EYA2: variants seen among roughly 807,000 people sequenced by gnomAD.
EYA2 encodes the protein EYA transcriptional coactivator and phosphatase 2, also known as protein phosphatase EYA2.
Under a neutral mutation model 69.2 loss-of-function variants are expected in EYA2, and 31 were observed. That is an observed-to-expected ratio of 0.45 (90% CI 0.34 to 0.60). The LOEUF (loss-of-function observed/expected upper bound fraction) is 0.60, where lower values mean the gene tolerates loss of function less well. Among genes scored for constraint, EYA2 ranks in the 20% least tolerant of loss-of-function variants. The pLI is 0.02. For synonymous variants in EYA2, 257 were observed against 279.4 expected (o/e 0.92, Z 0.80); for missense variants, 622 against 701.2 (o/e 0.89, Z 1.28).
chr20:47,134,947 G>A (rs959594631), intron 9 of EYA2, among the ~76,000 whole-genome samples: 34 of 151,868 alleles, frequency 2.2e-4, no homozygotes, highest in Admixed American at 7.9e-4. Context: ...CTAACGTGGT[G>A]AAACCCCGTC....
At chr20:47,012,812 A>G (rs1307797568) in intron 4 of EYA2, among the ~76,000 whole-genome samples, 1 of 152,172 alleles carries the variant, frequency 6.6e-6, no homozygotes, top group East Asian at 1.9e-4. Context: ...ATGTTTTAAA[A>G]ACATACTAAA....
chr20:47,115,359 A>G (rs1159311000), intron 9 of EYA2, among the ~76,000 whole-genome samples: 1 of 152,104 alleles, frequency 6.6e-6, no homozygotes, highest in Non-Finnish European at 1.5e-5. Context: ...CAAATTCCCA[A>G]CTGTCTGGGC....
At chr20:47,079,357 T>C (rs1332469866) in intron 7 of EYA2, among the ~76,000 whole-genome samples, 2 of 152,224 alleles carry the variant, frequency 1.3e-5, no homozygotes, top group Non-Finnish European at 2.9e-5. Flanking sequence ...AGCAGGGTTA[T>C]AGTATTGGAG....
chr20:47,163,669 G>A (rs1246990395), intron 10 of EYA2, among the ~76,000 whole-genome samples: 1 of 122,616 alleles, frequency 8.2e-6, no homozygotes, highest in African/African-American at 3.1e-5. Flanking sequence ...TTACACTCCA[G>A]CCTGGGCAAC....
At chr20:47,113,344 T>C (rs1281167102) in intron 9 of EYA2, among the ~76,000 whole-genome samples, 1 of 152,132 alleles carries the variant, frequency 6.6e-6, no homozygotes, top group Non-Finnish European at 1.5e-5. Flanking sequence ...CAGCTGCTGT[T>C]TCATCCTTGA....
At position 47,166,393 on chromosome 20, in the gene EYA2, T is replaced by TTAAAAAAAAAAAAAAAAA. The variant is rs1555806208; in HGVS notation, c.979-2746_979-2745insTAAAAAAAAAAAAAAAAA. ...GCTTGGGTGACAGAGCAAGACTGTC[T>TTAAAAAAAAAAAAAAAAA]AAAAAAAAAAAAAAAAAAAAAAAAA... is the stretch of plus-strand genomic sequence containing the variant. On this transcript the variant is annotated intron_variant, in intron 10 of 15. Coordinates refer to ENST00000327619, the MANE Select transcript of EYA2 (RefSeq NM_005244.5). 1.4e-4 allele frequency among the ~76,000 whole-genome samples: 5 copies of TTAAAAAAAAAAAAAAAAA among 34,522 alleles called. 1 individual carries two copies. The highest frequency in any genetic ancestry group is 2.1e-4 in the Non-Finnish European group (3 of 14,304). 22.6% of individuals were successfully genotyped at this position (34,522 alleles called of 152,430 possible). A position where few individuals can be genotyped will look rare whatever the true frequency, so the allele number is the denominator to read the frequency against.
In EYA2 at chr20:47,146,988, G is replaced by A. The variant is rs117743485; in HGVS notation, c.978+3840G>A. ...GAAGAGAGACCAAGAGAGTCAGGGA[G>A]GAGGCTCTCACCAGGGCTTTTGTTT... On this transcript the variant is annotated intron_variant, in intron 10 of 15. Transcript: ENST00000327619. 1.6e-4 allele frequency among the ~76,000 whole-genome samples: 24 copies of A among 152,078 alleles called. No homozygotes were observed. The East Asian group carries it at 4.4e-3, about 28-fold the overall frequency.
chr20:46,946,894 G>C (rs913586784), intron 1 of EYA2, among the ~76,000 whole-genome samples: 1 of 149,100 alleles, frequency 6.7e-6, no homozygotes, highest in Non-Finnish European at 1.5e-5. Context: ...CTACTTCTTT[G>C]TTTGATCCCC....
chr20:47,021,613 C>G (rs143612164), intron 5 of EYA2, among the ~76,000 whole-genome samples: 2 of 128,298 alleles, frequency 1.6e-5, no homozygotes, highest in Non-Finnish European at 3.2e-5. Context: ...GGCGACAAAG[C>G]GAGACTCCAT....
chr20:47,106,756 C>A (rs2032591966), intron 9 of EYA2, among the ~76,000 whole-genome samples: 1 of 152,100 alleles, frequency 6.6e-6, no homozygotes, highest in Non-Finnish European at 1.5e-5. Flanking sequence ...CCCTTCCATC[C>A]TTCAGTTGTT....
intron 5 of EYA2, among the ~76,000 whole-genome samples, chr20:47,036,324 C>T (rs546128208): frequency 8.5e-5 from 13 of 152,220 alleles, no homozygotes; most frequent in African/African-American, 2.6e-4. Context: ...AGCCAAAGTT[C>T]GCGCAAAAAC....
At chr20:47,171,612 A>T (rs767381740) in intron 11 of EYA2, among the ~76,000 whole-genome samples, 1 of 152,138 alleles carries the variant, frequency 6.6e-6, no homozygotes, top group Non-Finnish European at 1.5e-5. Flanking sequence ...CCAAACTCAC[A>T]TGGCTGGTCA....
intron 1 of EYA2, among the ~76,000 whole-genome samples, chr20:46,977,623 T>G (rs573754512): frequency 5.3e-5 from 8 of 152,332 alleles, no homozygotes; most frequent in African/African-American, 1.9e-4. Flanking sequence ...CATCGGTGAT[T>G]CTAAATGATG....
chr20:46,898,611 C>T (rs936864912), intron 1 of EYA2, among the ~76,000 whole-genome samples: 1 of 152,180 alleles, frequency 6.6e-6, no homozygotes, highest in African/African-American at 2.4e-5. Context: ...GACAATGCTT[C>T]GTTTTCACTG....
intron 9 of EYA2, among the ~76,000 whole-genome samples, chr20:47,128,978 G>T (rs1206824): frequency 0.017 from 2,556 of 152,242 alleles, 69 homozygotes; most frequent in African/African-American, 0.057. Context: ...ACAAAAATTA[G>T]CCGAGCATGG....
At chr20:46,921,928 GC>G (rs2146238796) in intron 1 of EYA2, among the ~76,000 whole-genome samples, 1 of 152,258 alleles carries the variant, frequency 6.6e-6, no homozygotes, top group East Asian at 1.9e-4. Context: ...TTACTAAGTT[GC>G]CCTGCTTCCT....
intron 1 of EYA2, among the ~76,000 whole-genome samples, chr20:46,972,272 C>T (rs182491178): frequency 2.0e-5 from 3 of 152,118 alleles, no homozygotes; most frequent in Admixed American, 2.0e-4. Flanking sequence ...CCAGAAGGTG[C>T]GATTAGAGGG....
chr20:47,117,869 A>C (rs750404090), intron 9 of EYA2, among the ~76,000 whole-genome samples: 30 of 152,166 alleles, frequency 2.0e-4, no homozygotes, highest in Non-Finnish European at 4.0e-4. Context: ...CCTGTGACAA[A>C]CACAAGCCAA....
chr20:46,961,727 A>G (rs1979489479), intron 1 of EYA2, among the ~76,000 whole-genome samples: 1 of 152,246 alleles, frequency 6.6e-6, no homozygotes, highest in Non-Finnish European at 1.5e-5. Flanking sequence ...CAGCAACATG[A>G]ATGAGCTTGA....
Sources: gnomAD v4.1 joint callset for allele counts (sites outside exome capture counted in the v4.1 genomes callset) on GRCh38, gnomAD v4.1.1 for gene constraint, MANE v1.5 for transcripts, NCBI Gene and HGNC (gene_info 2026-07-23, HGNC 2026-07-21) for gene names.